The following CLASP1 variants were observed in gnomAD, a reference collection of about 807,000 sequenced individuals.
CLASP1 encodes the protein CLIP-associating protein 1.
Under a neutral mutation model 192.3 loss-of-function variants are expected in CLASP1, and 38 were observed. That is an observed-to-expected ratio of 0.20 (90% CI 0.15 to 0.26). CLASP1 has a LOEUF of 0.26. Among genes scored for constraint, CLASP1 ranks in the 10% least tolerant of loss-of-function variants. CLASP1 has a pLI of 1.00. For synonymous variants in CLASP1, 691 were observed against 712.8 expected, an observed-to-expected ratio of 0.97 and a Z score of 0.49; for missense variants, 1,433 against 1,932.5, an observed-to-expected ratio of 0.74 and a Z score of 4.85.
intron 19 of CLASP1, among the ~76,000 whole-genome samples, chr2:121,446,181 A>G (rs370374564): frequency 1.3e-5 from 2 of 152,240 alleles, no homozygotes; most frequent in Admixed American, 6.5e-5. Flanking sequence ...TCCAGAACAC[A>G]TATCTTTCAA....
At chr2:121,508,556 AAGTC>A (rs1377915165) in intron 7 of CLASP1, among the ~76,000 whole-genome samples, 2 of 152,238 alleles carry the variant, frequency 1.3e-5, no homozygotes, top group East Asian at 3.8e-4. Flanking sequence ...AAGTTAAAAA[AAGTC>A]AGACTGCATA....
intron 8 of CLASP1, among the ~76,000 whole-genome samples, chr2:121,500,533 G>C (rs2093721065): frequency 6.6e-6 from 1 of 151,984 alleles, no homozygotes; most frequent in Non-Finnish European, 1.5e-5. Flanking sequence ...AAAAGAAAGA[G>C]AAAATTAGAT....
chr2:121,521,488 G>A (rs906846478), intron 6 of CLASP1, among the ~76,000 whole-genome samples: 5 of 152,136 alleles, frequency 3.3e-5, no homozygotes, highest in Admixed American at 6.5e-5. Context: ...CTCCGGCTCC[G>A]AGCTACTGGC....
chr2:121,495,127 C>G (rs1048387317), intron 8 of CLASP1, among the ~76,000 whole-genome samples: 1 of 151,654 alleles, frequency 6.6e-6, no homozygotes, highest in African/African-American at 2.4e-5. Flanking sequence ...TAGAGACCAT[C>G]CTGGCTAACA....
rs2092342411 is a variant in CLASP1, at chr2:121,479,029, CACCCCACACA to C, written c.713-9079_713-9070del. ...CACACACACACACCACACACACACA[CACCCCACACA>C]CACACACACCCCCCCCCCACACACA... is the stretch of plus-strand genomic sequence containing the variant. On this transcript the variant is annotated intron_variant, in intron 8 of 39. Transcript: ENST00000263710. Among the ~76,000 whole-genome samples, 108 of 72,188 alleles carry C rather than the reference CACCCCACACA, an allele frequency of 1.5e-3. 3 individuals carry two copies. The highest frequency in any genetic ancestry group is 6.4e-3 in the African/African-American group (90 of 13,976). The allele number at this position is 72,188 out of a possible 152,430, so 47.4% of individuals were successfully genotyped here.
chr2:121,639,600 C>A (rs2071624391), intron 1 of CLASP1, among the ~76,000 whole-genome samples: 1 of 152,090 alleles, frequency 6.6e-6, no homozygotes, highest in Non-Finnish European at 1.5e-5. Context: ...GTGGCTCACA[C>A]CTGTAATCCC....
At chr2:121,618,886 A>G (rs1180981427) in intron 1 of CLASP1, among the ~76,000 whole-genome samples, 1 of 152,236 alleles carries the variant, frequency 6.6e-6, no homozygotes, top group East Asian at 1.9e-4. Flanking sequence ...TCTTGCACCA[A>G]AAGTCAACAG....
chr2:121,523,838 T>C (rs1050681464), intron 6 of CLASP1, among the ~76,000 whole-genome samples: 17 of 151,980 alleles, frequency 1.1e-4, no homozygotes, highest in African/African-American at 4.1e-4. Flanking sequence ...AGCCCAAGGA[T>C]CCACACAGAC....
chr2:121,476,713 T>C (rs959692851), intron 8 of CLASP1, among the ~76,000 whole-genome samples: 4 of 152,206 alleles, frequency 2.6e-5, no homozygotes, highest in African/African-American at 9.6e-5. Flanking sequence ...TCTGCTTCAC[T>C]GCAGCAGGGT....
intron 1 of CLASP1, among the ~76,000 whole-genome samples, chr2:121,642,937 T>C (rs543141622): frequency 3.5e-4 from 54 of 152,338 alleles, no homozygotes; most frequent in Non-Finnish European, 6.5e-4. Context: ...TTGAAATGGT[T>C]TGATGTGGTT....
At chr2:121,350,654 C>T (rs1037197749) in intron 37 of CLASP1, among the ~76,000 whole-genome samples, 1 of 152,184 alleles carries the variant, frequency 6.6e-6, no homozygotes, top group Non-Finnish European at 1.5e-5. Flanking sequence ...ATTTTTCCAA[C>T]ACTAGACAGC....
At chr2:121,388,517 T>C (rs1181606038) in intron 30 of CLASP1, among the ~76,000 whole-genome samples, 1 of 152,188 alleles carries the variant, frequency 6.6e-6, no homozygotes, top group Non-Finnish European at 1.5e-5. Context: ...TACTTTTGCT[T>C]ATTAATTGAG....
chr2:121,388,228 A>G (rs2073688568), intron 30 of CLASP1, among the ~76,000 whole-genome samples: 1 of 152,216 alleles, frequency 6.6e-6, no homozygotes, highest in Admixed American at 6.5e-5. Context: ...ACAATTAAAA[A>G]ATTTTAAAAA....
Position 121,525,809 on chromosome 2 carries a change from C to A in CLASP1, c.546+36G>T, listed in dbSNP as rs140796347. On this transcript the variant is annotated intron_variant, in intron 6 of 39. Transcript: ENST00000263710. ...AGAATGCATCTCAACAGTCTGTAAGCAATGACTTCTCCCGAGGGTTTTCCT... is the reference window on the plus strand; with the variant it reads ...AGAATGCATCTCAACAGTCTGTAAGAAATGACTTCTCCCGAGGGTTTTCCT... The A allele has an allele frequency of 2.0e-4, 300 of 1,480,960 alleles. No individual in the cohort carries two copies. In the East Asian group the frequency reaches 2.2e-3, roughly 11 times the overall value. The allele number at this position is 1,480,960 out of a possible 1,614,324, so 91.7% of individuals were successfully genotyped here. A position where few individuals can be genotyped will look rare whatever the true frequency, so the allele number is the denominator to read the frequency against.
intron 1 of CLASP1, among the ~76,000 whole-genome samples, chr2:121,608,505 G>A (rs2064752427): frequency 2.0e-5 from 3 of 152,162 alleles, no homozygotes. Context: ...TAGCCTATTG[G>A]ACATGAGAGG....
chr2:121,616,063 T>C (rs1317885071), intron 1 of CLASP1, among the ~76,000 whole-genome samples: 1 of 151,106 alleles, frequency 6.6e-6, no homozygotes, highest in African/African-American at 2.4e-5. Flanking sequence ...AAATAAGGAG[T>C]TCAAGAAGCC....
intron 1 of CLASP1, among the ~76,000 whole-genome samples, chr2:121,633,735 G>A (rs897236536): frequency 3.3e-5 from 5 of 152,036 alleles, no homozygotes; most frequent in Admixed American, 6.6e-5. Flanking sequence ...GGCCAGGCAC[G>A]GTGGCTCACA....
intron 2 of CLASP1, among the ~76,000 whole-genome samples, chr2:121,583,258 AT>A (rs2061403999): frequency 6.6e-6 from 1 of 152,080 alleles, no homozygotes; most frequent in African/African-American, 2.4e-5. Flanking sequence ...GACTTGTTTT[AT>A]TTTTCTTACC....
At chr2:121,628,373 G>C (rs2106190947) in intron 1 of CLASP1, among the ~76,000 whole-genome samples, 1 of 152,020 alleles carries the variant, frequency 6.6e-6, no homozygotes, top group East Asian at 1.9e-4. Flanking sequence ...TTCAAAAACG[G>C]TCACTTAAGA....
Sources: gnomAD v4.1 joint callset for allele counts (sites outside exome capture counted in the v4.1 genomes callset) on GRCh38, gnomAD v4.1.1 for gene constraint, MANE v1.5 for transcripts, NCBI Gene and HGNC (gene_info 2026-07-23, HGNC 2026-07-21) for gene names.